Variants in DMD observed in about 807,000 individuals in gnomAD.
DMD encodes the protein dystrophin, also known as mutant dystrophin.
A neutral mutation model predicts 330.1 loss-of-function variants in DMD; 63 were observed. The ratio of observed to expected loss-of-function variants is 0.19; its 90% CI spans 0.16 to 0.24. The LOEUF (loss-of-function observed/expected upper bound fraction) is 0.24. Among genes scored for constraint, DMD ranks in the 10% least tolerant of loss-of-function variants. DMD has a pLI of 1.00. For missense variants in DMD, 3,344 were observed against 2,684.1 expected (o/e 1.25, Z -5.43); for synonymous variants, 1,223 against 959.8 (o/e 1.27, Z -5.07).
chrX:33,093,994 A>G (rs5971683), intron 1 of DMD, among the ~76,000 whole-genome samples: 2,014 of 111,540 alleles, frequency 0.018, 53 homozygotes, highest in African/African-American at 0.061. Context: ...CCATGAGTTT[A>G]TACGCACCTT....
chrX:31,999,982 T>A (rs748123834), intron 44 of DMD, among the ~76,000 whole-genome samples: 63 of 112,511 alleles, frequency 5.6e-4, no homozygotes, highest in African/African-American at 2.0e-3. Flanking sequence ...GGATTCAGAA[T>A]CCAGAAATGG....
intron 6 of DMD, among the ~76,000 whole-genome samples, chrX:32,812,548 G>A (rs1351455527): frequency 1.8e-5 from 2 of 112,074 alleles, no homozygotes; most frequent in African/African-American, 3.2e-5. Context: ...CAGTAGAATC[G>A]CTTGAACCTG....
chrX:33,251,226 A>G (rs1430916807), intron 1 of DMD, among the ~76,000 whole-genome samples: 1 of 112,070 alleles, frequency 8.9e-6, no homozygotes, highest in African/African-American at 3.2e-5. Flanking sequence ...AAACTGACCT[A>G]AGTTAGTGCG....
chrX:33,047,217 G>T (rs1159143492), intron 1 of DMD, among the ~76,000 whole-genome samples: 1 of 112,240 alleles, frequency 8.9e-6, no homozygotes, highest in Non-Finnish European at 1.9e-5. Flanking sequence ...GAAAATCACT[G>T]ATCGTGTTGC....
intron 17 of DMD, 110 bp from the exon 18 acceptor site, chrX:32,518,241 C>A: frequency 1.3e-6 from 1 of 757,683 alleles, no homozygotes; most frequent in Non-Finnish European, 2.0e-6. Context: ...GAGACTCCTG[C>A]CTGACACCTC....
chrX:32,581,589 G>A (rs1286902537), intron 13 of DMD, among the ~76,000 whole-genome samples: 3 of 111,315 alleles, frequency 2.7e-5, no homozygotes, highest in Non-Finnish European at 3.8e-5. Context: ...ACTCCAAAAC[G>A]GAAAATCTGG....
chrX:32,422,783 A>T lies in DMD; in HGVS notation c.4072-10870T>A, dbSNP rs111709071. Among the ~76,000 whole-genome samples the T allele has an allele frequency of 4.8e-3, 530 of 111,240 alleles. 3 individuals carry two copies. The highest frequency in any genetic ancestry group is 0.015 in the African/African-American group (465 of 30,745). On this transcript the variant is annotated intron_variant, in intron 29 of 78. Transcript: ENST00000357033. ...CCCTTTTCCATTTATCATTTTTTTT[A>T]AAAAAATAAACATTTTCAGAAATTT...
At chrX:31,189,026 ATGT>A (rs67446907) in intron 67 of DMD, among the ~76,000 whole-genome samples, 5,064 of 111,464 alleles carry the variant, frequency 0.045, 132 homozygotes, top group East Asian at 0.15. Flanking sequence ...GATTTCTTTG[ATGT>A]TGTGCTTTCT....
rs2084795993 is a variant in DMD, at chrX:32,887,770, A to AAAAC, written c.94-37951_94-37950insGTTT. On this transcript the variant is annotated intron_variant, in intron 2 of 78. Coordinates refer to ENST00000357033, the MANE Select transcript of DMD (RefSeq NM_004006.3). ...CAAAAAAAAAAAAAAAAAAAAAAAAAAAAAAACATCAACTAAAAGCTTATG... is the reference window on the plus strand; with the variant it reads ...CAAAAAAAAAAAAAAAAAAAAAAAAAAAACAAAAAACATCAACTAAAAGCTTATG... 3.4e-3 allele frequency among the ~76,000 whole-genome samples: 237 copies of AAAAC among 70,350 alleles called. 16 individuals are homozygous for AAAAC. The highest frequency in any genetic ancestry group is 8.0e-3 in the African/African-American group (150 of 18,726). The allele number at this position is 70,350 out of a possible 115,157, so 61.1% of individuals were successfully genotyped here.
At chrX:33,203,558 A>C (rs1237436590) in intron 1 of DMD, among the ~76,000 whole-genome samples, 3 of 111,367 alleles carry the variant, frequency 2.7e-5, no homozygotes, top group Non-Finnish European at 5.7e-5. Flanking sequence ...TAAAAGTGGG[A>C]TCCTCATTCA....
intron 43 of DMD, among the ~76,000 whole-genome samples, chrX:32,239,678 A>G (rs2097200892): frequency 8.9e-6 from 1 of 112,155 alleles, no homozygotes; most frequent in Non-Finnish European, 1.9e-5. Context: ...CATACCATGT[A>G]TGTTATTCCA....
chrX:31,915,384 T>A lies in DMD; in HGVS notation c.6912+14212A>T, dbSNP rs1393637574. On this transcript the variant is annotated intron_variant, in intron 47 of 78. Transcript: ENST00000357033. The stretch of plus-strand genomic sequence containing the variant: ...GACTACGTACCTAGGCTGGACTTTA[T>A]GTGGGAAAGATACACATATCTATAT... Among the ~76,000 whole-genome samples the A allele has an allele frequency of 5.3e-5, 6 of 112,259 alleles. No homozygotes were observed. The East Asian group carries it at 1.4e-3, about 26-fold the overall frequency.
intron 2 of DMD, among the ~76,000 whole-genome samples, chrX:32,884,343 T>C (rs781026137): frequency 1.1e-3 from 120 of 111,532 alleles, no homozygotes; most frequent in African/African-American, 3.7e-3. Context: ...GACAGTTAAG[T>C]GGCAGGGAAA....
intron 74 of DMD, among the ~76,000 whole-genome samples, chrX:31,152,726 G>T (rs2037592388): frequency 9.0e-6 from 1 of 111,496 alleles, no homozygotes; most frequent in Non-Finnish European, 1.9e-5. Context: ...TTTTTGTAAA[G>T]ATGGCACCTC....
chrX:32,693,147 G>A (rs911405780), intron 9 of DMD, among the ~76,000 whole-genome samples: 3 of 111,434 alleles, frequency 2.7e-5, no homozygotes, highest in Non-Finnish European at 5.6e-5. Context: ...TTGAAAGGGG[G>A]CAATGAGCCA....
At chrX:32,279,893 C>T (rs2097407232) in intron 43 of DMD, among the ~76,000 whole-genome samples, 2 of 103,970 alleles carry the variant, frequency 1.9e-5, no homozygotes, top group Admixed American at 1.1e-4. Flanking sequence ...ACTTGCATGC[C>T]TATATCAAAA....
chrX:32,658,090 A>G (rs957080680), intron 9 of DMD, among the ~76,000 whole-genome samples: 1 of 111,907 alleles, frequency 8.9e-6, no homozygotes. Context: ...TTGTAATTGC[A>G]TATACAAATT....
chrX:32,757,980 T>C (rs2071727551), intron 7 of DMD, among the ~76,000 whole-genome samples: 1 of 111,658 alleles, frequency 9.0e-6, no homozygotes, highest in African/African-American at 3.3e-5. Flanking sequence ...GGGAGGAAAA[T>C]AAATTGTCCT....
At chrX:31,680,256 C>T (rs1490659177) in intron 52 of DMD, among the ~76,000 whole-genome samples, 2 of 111,892 alleles carry the variant, frequency 1.8e-5, no homozygotes, top group Admixed American at 1.9e-4. Context: ...TCTCATTTTT[C>T]CACTCTTCTA....
Sources: gnomAD v4.1 joint callset for allele counts (sites outside exome capture counted in the v4.1 genomes callset) on GRCh38, gnomAD v4.1.1 for gene constraint, MANE v1.5 for transcripts, NCBI Gene and HGNC (gene_info 2026-07-23, HGNC 2026-07-21) for gene names.